Variants in PNKP observed in about 807,000 individuals in gnomAD.
The protein encoded by PNKP is bifunctional polynucleotide phosphatase/kinase.
PNKP carries 82 observed loss-of-function variants against 66.2 expected under a neutral mutation model. The ratio of observed to expected loss-of-function variants is 1.24; its 90% CI spans 1.04 to 1.49. PNKP has a LOEUF of 1.49. PNKP is among the 40% of genes most tolerant of loss of function. The probability of loss-of-function intolerance (pLI) is 0.00; values close to 1 mark genes in which losing one functional copy is unlikely to be tolerated. For synonymous variants in PNKP, 412 were observed against 298.9 expected (o/e 1.38, Z -3.90); for missense variants, 907 against 706.8 (o/e 1.28, Z -3.21).
At chr19:49,863,534 C>T (rs550507507) in intron 8 of PNKP, among the ~76,000 whole-genome samples, 155 bp downstream of exon 8, 1 of 152,228 alleles carries the variant, frequency 6.6e-6, no homozygotes, top group Admixed American at 6.5e-5. Flanking sequence ...GCACTGGTCT[C>T]GTAAACCAAC....
Position 49,861,320 on chromosome 19 carries a change from G to A in PNKP, c.1494C>T (p.Ile498=), listed in dbSNP as rs368390840. ...APTLAEGFSA[I]LEIPFRLWVE... is the part of the protein sequence containing the mutation. Reference sequence around the variant, plus strand: ...CCCATAGCCGGAACGGGATCTCCAGGATGGCAGAGAAGCCTTCAGCCAGCG... The same window carrying A: ...CCCATAGCCGGAACGGGATCTCCAGAATGGCAGAGAAGCCTTCAGCCAGCG... The change falls in exon 17 of 17, where the codon ATC becomes ATT. Residue 498 remains isoleucine (I), a synonymous_variant. Transcript: ENST00000322344. 8.1e-6 allele frequency: 13 copies of A among 1,614,016 alleles called. No individual in the cohort carries two copies. The Admixed American group carries it at 1.7e-4, about 21-fold the overall frequency.
chr19:49,861,824 C>G lies in PNKP; in HGVS notation c.1246G>C (p.Gly416Arg). Residue 416 changes from glycine to arginine, a missense_variant, in exon 14 of 17, where the codon GGG becomes CGG. By Grantham distance (125) the Gly-to-Arg change is moderately radical (BLOSUM62 -2). Coordinates refer to ENST00000322344, the MANE Select transcript of PNKP (RefSeq NM_007254.4). ...GTGTTGTCGATGGCGACCCGTTTCCCTTGCTTCAGGGCTGTCTCACACGTG... is the reference window on the plus strand; with the variant it reads ...GTGTTGTCGATGGCGACCCGTTTCCGTTGCTTCAGGGCTGTCTCACACGTG... ...VTTCETALKQ[G>R]KRVAIDNTNP... is the part of the protein sequence containing the mutation. 1 of 1,589,598 alleles carries G rather than the reference C, an allele frequency of 6.3e-7. No homozygotes were observed. Among genetic ancestry groups the G allele is most frequent in the Non-Finnish European group, 8.5e-7 (1 of 1,170,616 alleles).
chr19:49,865,258 G>GT lies in PNKP; in HGVS notation c.366_367insA (p.Pro123ThrfsTer7). The GT allele has an allele frequency of 6.2e-7, 1 of 1,614,186 alleles. No individual in the cohort carries two copies. The highest frequency in any genetic ancestry group is 8.5e-7 in the Non-Finnish European group (1 of 1,180,018). On this transcript the variant is annotated frameshift_variant, in exon 4 of 17. Transcript: ENST00000322344. LOFTEE classifies it high-confidence loss of function. ...CTCTTCTCATCTTGGGACACCAGAG[G>GT]GGTGCCAGGCGGAGTATCTGGCTGG...
At chr19:49,862,514 C>CGGGGCAG (rs762794458) in intron 10 of PNKP, 24 bp downstream of exon 10, 23 of 1,602,910 alleles carry the variant, frequency 1.4e-5, no homozygotes, top group South Asian at 8.9e-5. Context: ...GGCTCGGGCG[C>CGGGGCAG]GGGGCAGGGG....
intron 15 of PNKP, 31 bp downstream of exon 15, chr19:49,861,577 C>G (rs2074761414): frequency 6.4e-7 from 1 of 1,557,632 alleles, no homozygotes; most frequent in Non-Finnish European, 8.7e-7. Context: ...GGGGGTGCAG[C>G]CCGGGGGGTG....
At chr19:49,864,512 C>G in intron 4 of PNKP, 109 bp from the exon 5 acceptor site, 1 of 845,390 alleles carries the variant, frequency 1.2e-6, no homozygotes, top group Non-Finnish European at 2.0e-6. Context: ...TCACTGCCAT[C>G]TCACAGATGG....
Position 49,861,211 on chromosome 19 carries a change from G to GA in PNKP, c.*36dup, listed in dbSNP as rs1555810564. ...GCAAAATGCCGGCCAAGCTCAAGGA[G>GA]AAACAGCGTTTATTGTGGAGGGGAG... is the stretch of plus-strand genomic sequence containing the variant. On this transcript the variant is annotated 3_prime_UTR_variant, in exon 17 of 17. Transcript: ENST00000322344. 1.4e-6 allele frequency: 2 copies of GA among 1,415,092 alleles called. No individual in the cohort carries two copies. The highest frequency in any genetic ancestry group is 1.1e-5 in the South Asian group (1 of 87,154). 87.7% of individuals were successfully genotyped at this position (1,415,092 alleles called of 1,614,324 possible). A position where few individuals can be genotyped will look rare whatever the true frequency, so the allele number is the denominator to read the frequency against.
rs1414296867 is a variant in PNKP at position 49,864,046 on chromosome 19, C to T, written c.662G>A (p.Ser221Asn). Residue 221 changes from serine (S) to asparagine (N), a missense_variant, in exon 7 of 17, where the codon AGC (serine) becomes AAC (asparagine). Coordinates refer to ENST00000322344, the MANE Select transcript of PNKP (RefSeq NM_007254.4). ...GGCTGGCAGCTTCCCGCGCCCGATG[C>T]TCATCTGGTTGGTGAAGATCACCAG... ...YKLVIFTNQM[S>N]IGRGKLPAEE... The T allele has an allele frequency of 6.2e-7, 1 of 1,613,996 alleles. No individual in the cohort carries two copies. The highest frequency in any genetic ancestry group is 8.5e-7 in the Non-Finnish European group (1 of 1,180,022).
chr19:49,863,683 A>T lies in PNKP; in HGVS notation c.816+6T>A, dbSNP rs1313353571. On this transcript the variant is annotated splice_donor_region_variant and intron_variant, in intron 8 of 16. Coordinates refer to ENST00000322344, the MANE Select transcript of PNKP (RefSeq NM_007254.4). ...GGAGGGGGGCCGGGCAGGCTGCAAG[A>T]CTCACCTGCTCCTGCAGATGGTCCC... The T allele has an allele frequency of 5.2e-6, 8 of 1,551,022 alleles. No individual in the cohort carries two copies. The highest frequency in any genetic ancestry group is 3.9e-5 in the Admixed American group (2 of 51,100).
At position 49,865,263 on chromosome 19, in the gene PNKP, C is replaced by T; in HGVS notation, c.362G>A (p.Gly121Asp). 1 of 1,614,228 alleles carries T rather than the reference C, an allele frequency of 6.2e-7. No homozygotes were observed. Among genetic ancestry groups the T allele is most frequent in the Non-Finnish European group, 8.5e-7 (1 of 1,180,042 alleles). The change falls in exon 4 of 17, where the codon GGC becomes GAC. Residue 121 changes from glycine to aspartate, a missense_variant. Physicochemically the swap from Gly to Asp is moderately conservative, Grantham distance 94. Transcript: ENST00000322344. ...TPESQPDTPP[G>D]TPLVSQDEKR... ...CTCATCTTGGGACACCAGAGGGGTG[C>T]CAGGCGGAGTATCTGGCTGGGATTC...
intron 13 of PNKP, 77 bp from the exon 14 acceptor site, chr19:49,861,958 T>C (rs569815553): frequency 6.3e-7 from 1 of 1,587,132 alleles, no homozygotes; most frequent in East Asian, 2.2e-5. Context: ...GGGGAGGCAA[T>C]GATGGAGGAA....
rs368159072 is a variant in PNKP, at chr19:49,862,634, C to A, written c.866-26G>T. The A allele has an allele frequency of 1.1e-5, 18 of 1,613,910 alleles. No homozygotes were observed. The African/African-American group carries it at 2.3e-4, about 20-fold the overall frequency. On this transcript the variant is annotated intron_variant, in intron 9 of 16. Transcript: ENST00000322344. ...CTGGAACACACGGGACACCCCGTTC[C>A]CACCAGCTCGGAGGGAGGCGTCCCA...
At chr19:49,866,860 G>C in intron 2 of PNKP, 194 bp downstream of exon 2, 5 of 648,730 alleles carry the variant, frequency 7.7e-6, no homozygotes, top group South Asian at 1.8e-5. Flanking sequence ...AAATCGGCTC[G>C]ATCCCCTCTC....
In PNKP at chr19:49,861,483, T is replaced by C. The variant is rs202043603; in HGVS notation, c.1414A>G (p.Ile472Val). The C allele has an allele frequency of 1.2e-6, 2 of 1,612,530 alleles. No individual in the cohort carries two copies. Among genetic ancestry groups the C allele is most frequent in the Admixed American group, 1.7e-5 (1 of 59,840 alleles). The change falls in exon 16 of 17, where the codon ATC becomes GTC. Residue 472 changes from isoleucine (I) to valine (V), a missense_variant. By Grantham distance (29) the Ile-to-Val change is conservative. Coordinates refer to ENST00000322344, the MANE Select transcript of PNKP (RefSeq NM_007254.4). ...RFREMTDSSHIPVSDMVMYGY... is the reference protein window; with the variant it reads ...RFREMTDSSHVPVSDMVMYGY... The stretch of plus-strand genomic sequence containing the variant: ...TACATGACCATGTCTGACACGGGGA[T>C]ATGAGAGGAGTCCGTCATCTCTCGA...
In PNKP at chr19:49,865,622, TTTTC is replaced by T. The variant is rs67332536; in HGVS notation, c.199-200_199-197del. On this transcript the variant is annotated intron_variant, in intron 3 of 16. Coordinates refer to ENST00000322344, the MANE Select transcript of PNKP (RefSeq NM_007254.4). Reference sequence around the variant, plus strand: ...GAATCTTTTTTTTTTTTTTTTTTTTTTTTCCCCTGGAGATATAGGCTTGTTTTGT... The same window carrying T: ...GAATCTTTTTTTTTTTTTTTTTTTTTCCCTGGAGATATAGGCTTGTTTTGT... The T allele has an allele frequency of 0.26, 98,974 of 387,906 alleles. 8,609 individuals carry two copies. The highest frequency in any genetic ancestry group is 0.37 in the African/African-American group (14,404 of 39,406). 24.0% of individuals were successfully genotyped at this position (387,906 alleles called of 1,614,324 possible).
Position 49,862,989 on chromosome 19 carries a change from G to A in PNKP, c.817-251C>T, listed in dbSNP as rs112722530. Among the ~76,000 whole-genome samples, 1,727 of 152,026 alleles carry A rather than the reference G, an allele frequency of 0.011. 49 individuals carry two copies. Among genetic ancestry groups the A allele is most frequent in the African/African-American group, 0.039 (1,619 of 41,434 alleles). Reference sequence around the variant, plus strand: ...CCGTTCCCCACGCGGCCACCGGAGGGCACCCACCCTGCTACAGCTCCAGCC... The same window carrying A: ...CCGTTCCCCACGCGGCCACCGGAGGACACCCACCCTGCTACAGCTCCAGCC... On this transcript the variant is annotated intron_variant, in intron 8 of 16. Coordinates refer to ENST00000322344, the MANE Select transcript of PNKP (RefSeq NM_007254.4).
In PNKP at chr19:49,867,188, G is replaced by A; in HGVS notation, c.17C>T (p.Ala6Val). MGEVE[A>V]PGRLWLESPP... ...GCTCTCGAGCCACAAGCGGCCCGGG[G>A]CCTCCACCTCGCCCATCCTGGGTGC... The change falls in exon 2 of 17, where the codon GCC becomes GTC. Residue 6 changes from alanine to valine, a missense_variant. Ala to Val is a moderately conservative substitution (Grantham distance 64, BLOSUM62 0). Coordinates refer to ENST00000322344, the MANE Select transcript of PNKP (RefSeq NM_007254.4). The A allele has an allele frequency of 1.2e-6, 2 of 1,611,576 alleles. No homozygotes were observed. Among genetic ancestry groups the A allele is most frequent in the Non-Finnish European group, 1.7e-6 (2 of 1,179,238 alleles).
chr19:49,865,361 C>A lies in PNKP; in HGVS notation c.264G>T (p.Gly88=), dbSNP rs766589333. The A allele has an allele frequency of 6.0e-5, 97 of 1,613,364 alleles. No individual in the cohort carries two copies. The highest frequency in any genetic ancestry group is 3.4e-4 in the Middle Eastern group (2 of 5,956). ...ELKPGLEGSL[G]VGDTLYLVNG... is the part of the protein sequence containing the mutation. ...TGACCAAATACAGTGTGTCCCCCACCCCCAGAGAGCCCTCCAACCCCGGCT... is the reference window on the plus strand; with the variant it reads ...TGACCAAATACAGTGTGTCCCCCACACCCAGAGAGCCCTCCAACCCCGGCT... The change falls in exon 4 of 17, where the codon GGG becomes GGT. Residue 88 remains glycine (G), a synonymous_variant. Coordinates refer to ENST00000322344, the MANE Select transcript of PNKP (RefSeq NM_007254.4).
rs2074809086 is a variant in PNKP, at chr19:49,865,174, C to G, written c.451G>C (p.Glu151Gln). Reference sequence around the variant, plus strand: ...GCTGCGGTGAACACTAGCAACTTCTCCAAGTTCTCCCAGCCGGGGTTTGAC... The same window carrying G: ...GCTGCGGTGAACACTAGCAACTTCTGCAAGTTCTCCCAGCCGGGGTTTGAC... The part of the protein sequence containing the change: ...RKSNPGWENL[E>Q]KLLVFTAAGV... Residue 151 changes from glutamate to glutamine, a missense_variant, in exon 4 of 17, where the codon GAG (glutamate) becomes CAG (glutamine). Glu to Gln is a conservative substitution (Grantham distance 29). Coordinates refer to ENST00000322344, the MANE Select transcript of PNKP (RefSeq NM_007254.4). 2 of 1,614,236 alleles carry G rather than the reference C, an allele frequency of 1.2e-6. No individual in the cohort carries two copies.
Sources: gnomAD v4.1 joint callset for allele counts (sites outside exome capture counted in the v4.1 genomes callset) on GRCh38, gnomAD v4.1.1 for gene constraint, MANE v1.5 for transcripts, NCBI Gene and HGNC (gene_info 2026-07-23, HGNC 2026-07-21) for gene names.